Variants in LRRC8C observed in about 807,000 individuals in gnomAD.
The protein encoded by LRRC8C is volume-regulated anion channel subunit LRRC8C.
Under a neutral mutation model 55.3 loss-of-function variants are expected in LRRC8C, and 20 were observed. The ratio of observed to expected loss-of-function variants is 0.36; its 90% CI spans 0.25 to 0.53. The LOEUF (loss-of-function observed/expected upper bound fraction) is 0.53. LRRC8C is among the 20% of genes least tolerant of loss of function. The pLI, the probability that LRRC8C is intolerant of heterozygous loss-of-function variation, is 0.92. For synonymous variants in LRRC8C, 376 were observed against 360.7 expected (o/e 1.04, Z -0.48); for missense variants, 659 against 951.4 (o/e 0.69, Z 4.04).
At chr1:89,637,818 A>G (rs1214629796) in intron 1 of LRRC8C, among the ~76,000 whole-genome samples, 1 of 152,230 alleles carries the variant, frequency 6.6e-6, no homozygotes, top group Non-Finnish European at 1.5e-5. Flanking sequence ...TAAGACAAAC[A>G]AAACCTTAGA....
intron 2 of LRRC8C, among the ~76,000 whole-genome samples, chr1:89,708,284 G>A (rs1228382733): frequency 1.3e-5 from 2 of 152,100 alleles, no homozygotes; most frequent in Non-Finnish European, 2.9e-5. Flanking sequence ...TTGTAGAAGG[G>A]GATGCGGTTG....
Position 89,657,684 on chromosome 1 carries a change from T to G in LRRC8C, c.-5+24362T>G, listed in dbSNP as rs532430644. The stretch of plus-strand genomic sequence containing the variant: ...CGAACCCGGGAGGCAGAGGTTGCAG[T>G]GAGCTCAGATTGCGCCACTTACTTC... On this transcript the variant is annotated intron_variant, in intron 1 of 2. Coordinates refer to ENST00000370454, the MANE Select transcript of LRRC8C (RefSeq NM_032270.5). 4.8e-5 allele frequency among the ~76,000 whole-genome samples: 7 copies of G among 146,350 alleles called. No individual in the cohort carries two copies. The East Asian group carries it at 1.2e-3, about 25-fold the overall frequency.
At chr1:89,704,983 T>C (rs567352830) in intron 2 of LRRC8C, among the ~76,000 whole-genome samples, 1 of 152,068 alleles carries the variant, frequency 6.6e-6, no homozygotes, top group African/African-American at 2.4e-5. Context: ...CGTATGTTTA[T>C]TGTGGCACTA....
At chr1:89,630,951 C>G (rs568068432), upstream of LRRC8C, among the ~76,000 whole-genome samples, 1 of 152,176 alleles carries the variant, frequency 6.6e-6, no homozygotes, top group Non-Finnish European at 1.5e-5. Context: ...CCTGCCTACA[C>G]GTGAAGAACT....
the LRRC8C span, among the ~76,000 whole-genome samples, chr1:89,617,960 C>T: frequency 4.6e-5 from 7 of 152,220 alleles, no homozygotes; most frequent in Middle Eastern, 3.2e-3. Flanking sequence ...CGCACACACT[C>T]TCTTGGTATA....
At chr1:89,645,739 A>T (rs6661386) in intron 1 of LRRC8C, among the ~76,000 whole-genome samples, 2,532 of 152,224 alleles carry the variant, frequency 0.017, 69 homozygotes, top group African/African-American at 0.056. Context: ...TCTGAACCCA[A>T]TAGAATTAAA....
Position 89,704,706 on chromosome 1 carries a change from A to C in LRRC8C, c.139-8003A>C, listed in dbSNP as rs146049602. ...ATCACTGGCCATCAGAGAAATGCAA[A>C]TCAAAACCACAATGAGATACCATCT... On this transcript the variant is annotated intron_variant, in intron 2 of 2. Coordinates refer to ENST00000370454, the MANE Select transcript of LRRC8C (RefSeq NM_032270.5). Among the ~76,000 whole-genome samples the C allele has an allele frequency of 9.3e-3, 1,413 of 152,250 alleles. 28 individuals carry two copies. The highest frequency in any genetic ancestry group is 0.033 in the African/African-American group (1,351 of 41,480).
rs187630052 is a variant in LRRC8C at position 89,645,716 on chromosome 1, T to G, written c.-5+12394T>G. Among the ~76,000 whole-genome samples, 7 of 152,264 alleles carry G rather than the reference T, an allele frequency of 4.6e-5. No individual in the cohort carries two copies. In the East Asian group the frequency reaches 1.3e-3, roughly 29 times the overall value. ...AGGACAAAACATTATTATTGAAATA[T>G]TAGAGTGTTTTCTCTGAACCCAATA... On this transcript the variant is annotated intron_variant, in intron 1 of 2. Transcript: ENST00000370454.
intron 2 of LRRC8C, among the ~76,000 whole-genome samples, chr1:89,697,654 A>G (rs564894726): frequency 6.6e-6 from 1 of 152,346 alleles, no homozygotes; most frequent in East Asian, 1.9e-4. Context: ...TTTGAAATGG[A>G]TGCTTTCCAC....
At chr1:89,678,963 C>T (rs1306813931) in intron 1 of LRRC8C, among the ~76,000 whole-genome samples, 4 of 151,988 alleles carry the variant, frequency 2.6e-5, no homozygotes, top group Non-Finnish European at 2.9e-5. Flanking sequence ...GAGGAGATGT[C>T]GAGTACGTAG....
At chr1:89,685,132 G>A (rs1236600165) in intron 1 of LRRC8C, among the ~76,000 whole-genome samples, 2 of 127,870 alleles carry the variant, frequency 1.6e-5, no homozygotes, top group African/African-American at 5.8e-5. Context: ...TTTTTGAGAC[G>A]GAGTCTCACT....
Position 89,682,857 on chromosome 1 carries a change from A to G in LRRC8C, c.-4-3613A>G, listed in dbSNP as rs780730397. 3.9e-4 allele frequency among the ~76,000 whole-genome samples: 59 copies of G among 152,364 alleles called. 1 individual carries two copies. The highest frequency in any genetic ancestry group is 2.9e-3 in the South Asian group (14 of 4,828). On this transcript the variant is annotated intron_variant, in intron 1 of 2. Transcript: ENST00000370454. ...AAGTACAATGGTTGTCTGAAGAGAA[A>G]GCTCTTGTGTAATGGAGTTGAAAGT...
the LRRC8C span, among the ~76,000 whole-genome samples, chr1:89,619,611 CAATAT>C: frequency 1.3e-5 from 2 of 151,242 alleles, no homozygotes; most frequent in African/African-American, 4.8e-5. Flanking sequence ...TAACTCTTTA[CAATAT>C]AATTAAAAAT....
In LRRC8C at chr1:89,714,376, G is replaced by C. The variant is rs751052777; in HGVS notation, c.1806G>C (p.Glu602Asp). Residue 602 changes from glutamate (E) to aspartate (D), a missense_variant, in exon 3 of 3, where the codon GAG (glutamate) becomes GAC (aspartate). Coordinates refer to ENST00000370454, the MANE Select transcript of LRRC8C (RefSeq NM_032270.5). This position sits in a 1 kb window ranked among gnomAD's most constrained non-coding sequence, Gnocchi z 4.6. ...TGGAGCTGGTCCACTGTGACCTGGAGCGTATTCCTCATGCTGTGTTCAGCC... is the reference window on the plus strand; with the variant it reads ...TGGAGCTGGTCCACTGTGACCTGGACCGTATTCCTCATGCTGTGTTCAGCC... ...TELELVHCDL[E>D]RIPHAVFSLL... The C allele has an allele frequency of 6.2e-7, 1 of 1,614,126 alleles. No individual in the cohort carries two copies. The highest frequency in any genetic ancestry group is 8.5e-7 in the Non-Finnish European group (1 of 1,180,026).
the LRRC8C span, among the ~76,000 whole-genome samples, chr1:89,628,030 A>G: frequency 6.6e-6 from 1 of 152,220 alleles, no homozygotes; most frequent in South Asian, 2.1e-4. Context: ...TTTGGGTAAC[A>G]GATATTCAAC....
At position 89,717,085 on chromosome 1, in the gene LRRC8C, T is replaced by G. The variant is rs1658845384; in HGVS notation, c.*2103T>G. 1 of 152,150 alleles carries G rather than the reference T, an allele frequency of 6.6e-6. No homozygotes were observed. Among genetic ancestry groups the G allele is most frequent in the South Asian group, 2.1e-4 (1 of 4,830 alleles). The allele number at this position is 152,150 out of a possible 1,614,324, so 9.4% of individuals were successfully genotyped here. On this transcript the variant is annotated 3_prime_UTR_variant, in exon 3 of 3. Coordinates refer to ENST00000370454, the MANE Select transcript of LRRC8C (RefSeq NM_032270.5). ...GTTCTTGTATGATAAAGTATTCAAT[T>G]TCAGAATAGTGTTGGAATCCTGAGT...
chr1:89,691,802 A>G (rs1046069340), intron 2 of LRRC8C, among the ~76,000 whole-genome samples: 1 of 152,224 alleles, frequency 6.6e-6, no homozygotes, highest in Non-Finnish European at 1.5e-5. Context: ...TTGTGAGGGC[A>G]AGGTTTGGCT....
At chr1:89,704,260 A>G (rs780625677) in intron 2 of LRRC8C, among the ~76,000 whole-genome samples, 7 of 152,024 alleles carry the variant, frequency 4.6e-5, no homozygotes, top group South Asian at 2.1e-4. Flanking sequence ...TCTCTGTCCT[A>G]TTTTTCAGAA....
intron 1 of LRRC8C, among the ~76,000 whole-genome samples, chr1:89,675,484 G>A (rs1350090973): frequency 6.6e-6 from 1 of 152,216 alleles, no homozygotes; most frequent in Non-Finnish European, 1.5e-5. Flanking sequence ...TGTTCATGGT[G>A]TGCCTGCTGC....
Sources: gnomAD v4.1 joint callset for allele counts (sites outside exome capture counted in the v4.1 genomes callset) on GRCh38, gnomAD v4.1.1 for gene constraint, Gnocchi (gnomAD v3.1) non-coding constraint, MANE v1.5 for transcripts, NCBI Gene and HGNC (gene_info 2026-07-23, HGNC 2026-07-21) for gene names.